The following ATP8B1 variants were observed in gnomAD, a reference collection of about 807,000 sequenced individuals.
ATP8B1 encodes ATPase phospholipid transporting 8B1, also known as phospholipid-transporting ATPase IC.
ATP8B1 carries 80 observed loss-of-function variants against 149.9 expected under a neutral mutation model. The ratio of observed to expected loss-of-function variants is 0.53; its 90% CI spans 0.45 to 0.64. ATP8B1 has a LOEUF of 0.64. ATP8B1 is among the 30% of genes least tolerant of loss of function. ATP8B1 has a pLI of 0.00. For synonymous variants in ATP8B1, 536 were observed against 562.8 expected (o/e 0.95, Z 0.67); for missense variants, 1,247 against 1,552.6 (o/e 0.80, Z 3.31).
At chr18:57,791,187 T>C (rs1420246506) in intron 1 of ATP8B1, among the ~76,000 whole-genome samples, 2 of 152,194 alleles carry the variant, frequency 1.3e-5, no homozygotes. Context: ...TGCTCAGTTT[T>C]CTGTCTCTGA....
chr18:57,652,841 G>C lies in ATP8B1; in HGVS notation c.3016-112C>G, dbSNP rs980331956. 2.8e-5 allele frequency: 38 copies of C among 1,349,170 alleles called. 1 individual carries two copies. In the South Asian group the frequency reaches 4.3e-4, roughly 15 times the overall value. The allele number at this position is 1,349,170 out of a possible 1,614,324, so 83.6% of individuals were successfully genotyped here. On this transcript the variant is annotated intron_variant, in intron 24 of 27. Transcript: ENST00000648908. ...GCAGCCTGCTGTTAAATTTTAGGAAGGCAAAAACTGAACAAGATAATCGAT... is the reference window on the plus strand; with the variant it reads ...GCAGCCTGCTGTTAAATTTTAGGAACGCAAAAACTGAACAAGATAATCGAT...
chr18:57,714,336 A>G (rs1023097965), intron 2 of ATP8B1, among the ~76,000 whole-genome samples: 1 of 121,414 alleles, frequency 8.2e-6, no homozygotes, highest in African/African-American at 2.5e-5. Context: ...GCATCTCTGG[A>G]TCTGGCTGCA....
chr18:57,655,627 G>A (rs1240603620), intron 22 of ATP8B1, among the ~76,000 whole-genome samples: 1 of 152,192 alleles, frequency 6.6e-6, no homozygotes, highest in Non-Finnish European at 1.5e-5. Context: ...GCACACAGTA[G>A]GGCCTCCATA....
In ATP8B1 at chr18:57,652,419, C is replaced by G. The variant is rs531722791; in HGVS notation, c.3261+65G>C. 51 of 1,605,436 alleles carry G rather than the reference C, an allele frequency of 3.2e-5. No homozygotes were observed. In the East Asian group the frequency reaches 1.1e-3, roughly 35 times the overall value. The stretch of plus-strand genomic sequence containing the variant: ...GGGAGTCAGGTGGATGTGCATGCCA[C>G]CCTATATACAGAAATATAAGTAGGT... On this transcript the variant is annotated intron_variant, in intron 25 of 27. Transcript: ENST00000648908.
At chr18:57,759,546 A>T (rs918023983) in intron 1 of ATP8B1, among the ~76,000 whole-genome samples, 2 of 152,100 alleles carry the variant, frequency 1.3e-5, no homozygotes, top group Non-Finnish European at 2.9e-5. Flanking sequence ...ACGGTGGCTC[A>T]CGCCTGTAAT....
rs116141056 is a variant in ATP8B1, at chr18:57,677,043, G to A, written c.1631-2021C>T. 3.5e-3 allele frequency among the ~76,000 whole-genome samples: 526 copies of A among 152,066 alleles called. 5 individuals are homozygous for A. Among genetic ancestry groups the A allele is most frequent in the African/African-American group, 0.012 (501 of 41,490 alleles). ...AAAAAAGAAAAAACCAATAAGAAGA[G>A]GAATAAATCTCACAGCCAGATACAC... On this transcript the variant is annotated intron_variant, in intron 15 of 27. Coordinates refer to ENST00000648908, the MANE Select transcript of ATP8B1 (RefSeq NM_001374385.1).
At chr18:57,651,400 C>A (rs1233924787) in intron 26 of ATP8B1, among the ~76,000 whole-genome samples, 1 of 152,192 alleles carries the variant, frequency 6.6e-6, no homozygotes, top group Non-Finnish European at 1.5e-5. Context: ...GCTACCACAT[C>A]TAGCCCCAGT....
chr18:57,687,004 C>G (rs533174723), intron 13 of ATP8B1, among the ~76,000 whole-genome samples: 1 of 152,218 alleles, frequency 6.6e-6, no homozygotes, highest in South Asian at 2.1e-4. Flanking sequence ...GCACCATACT[C>G]TGCTAATTTT....
intron 11 of ATP8B1, among the ~76,000 whole-genome samples, chr18:57,694,307 T>A (rs1303333013): frequency 6.6e-6 from 1 of 152,044 alleles, no homozygotes; most frequent in African/African-American, 2.4e-5. Flanking sequence ...GCTTCCTGGT[T>A]TTCCAGTTCC....
At chr18:57,763,746 G>A (rs946936998) in intron 1 of ATP8B1, among the ~76,000 whole-genome samples, 2 of 151,980 alleles carry the variant, frequency 1.3e-5, no homozygotes, top group African/African-American at 4.8e-5. Context: ...ATTTATTTTT[G>A]CATAACATAA....
At chr18:57,744,042 C>T (rs913105729) in intron 1 of ATP8B1, among the ~76,000 whole-genome samples, 11 of 152,096 alleles carry the variant, frequency 7.2e-5, no homozygotes, top group African/African-American at 1.2e-4. Flanking sequence ...GGGCCGAACG[C>T]GGTGGCTCAC....
intron 19 of ATP8B1, chr18:57,668,138 CT>C: frequency 7.3e-7 from 1 of 1,361,872 alleles, no homozygotes; most frequent in Middle Eastern, 2.0e-4. Context: ...AGGGATGGCC[CT>C]TTCAGGACGG....
At chr18:57,700,025 G>A (rs1393191898) in intron 6 of ATP8B1, among the ~76,000 whole-genome samples, 2 of 152,198 alleles carry the variant, frequency 1.3e-5, no homozygotes, top group Middle Eastern at 3.2e-3. Flanking sequence ...AGCACAGGGG[G>A]CCTCCTCAGA....
At chr18:57,668,361 G>A in intron 19 of ATP8B1, 68 bp downstream of exon 19, 1 of 1,439,714 alleles carries the variant, frequency 6.9e-7, no homozygotes, top group Non-Finnish European at 9.8e-7. Flanking sequence ...AGGTCATCTT[G>A]GGCAAAGGAA....
rs1440661317 is a variant in ATP8B1, at chr18:57,687,771, TA to T, written c.1429+527del. ...CTAGATCATATAGTAATGAGACTTC[TA>T]ATTTTTTTTTTTTTTTTTTTTTTTT... is the stretch of plus-strand genomic sequence containing the variant. On this transcript the variant is annotated intron_variant, in intron 13 of 27. Coordinates refer to ENST00000648908, the MANE Select transcript of ATP8B1 (RefSeq NM_001374385.1). Among the ~76,000 whole-genome samples the T allele has an allele frequency of 3.1e-5, 4 of 130,260 alleles. No homozygotes were observed. In the East Asian group the frequency reaches 9.9e-4, roughly 32 times the overall value. The allele number at this position is 130,260 out of a possible 152,430, so 85.5% of individuals were successfully genotyped here.
intron 2 of ATP8B1, among the ~76,000 whole-genome samples, chr18:57,726,586 G>T (rs2079711270): frequency 6.6e-6 from 1 of 152,182 alleles, no homozygotes; most frequent in African/African-American, 2.4e-5. Context: ...CCCCCAGTTA[G>T]TGCAAAGGAG....
intron 1 of ATP8B1, among the ~76,000 whole-genome samples, chr18:57,748,401 C>A (rs963078229): frequency 6.6e-6 from 1 of 152,202 alleles, no homozygotes; most frequent in African/African-American, 2.4e-5. Context: ...TGAAACAGAT[C>A]CTTCCCCAGC....
chr18:57,697,751 T>G (rs766906758), intron 7 of ATP8B1, 44 bp downstream of exon 7: 1 of 1,611,372 alleles, frequency 6.2e-7, no homozygotes, highest in East Asian at 2.2e-5. Context: ...GCACAGGGGC[T>G]GGGGGAGAAC....
intron 24 of ATP8B1, 102 bp downstream of exon 24, chr18:57,653,890 A>G: frequency 1.9e-6 from 2 of 1,073,320 alleles, no homozygotes; most frequent in South Asian, 2.7e-5. Context: ...GTTTGATCAG[A>G]AAGAAGTAAA....
Sources: gnomAD v4.1 joint callset for allele counts (sites outside exome capture counted in the v4.1 genomes callset) on GRCh38, gnomAD v4.1.1 for gene constraint, MANE v1.5 for transcripts, NCBI Gene and HGNC (gene_info 2026-07-23, HGNC 2026-07-21) for gene names.